The following PARD3 variants were observed in gnomAD, a reference collection of about 807,000 sequenced individuals.
The protein encoded by PARD3 is par-3 family cell polarity regulator.
PARD3 carries 75 observed loss-of-function variants against 155.4 expected under a neutral mutation model. The ratio of observed to expected loss-of-function variants is 0.48; its 90% confidence interval spans 0.40 to 0.58. PARD3 has a LOEUF of 0.58. PARD3 is among the 20% of genes least tolerant of loss of function. The pLI is 0.00. For missense variants in PARD3, 1,642 were observed against 1,721.7 expected, an observed-to-expected ratio of 0.95 and a Z score of 0.82; for synonymous variants, 576 against 610.5, an observed-to-expected ratio of 0.94 and a Z score of 0.83.
chr10:34,261,454 C>T (rs1218229055), intron 22 of PARD3, among the ~76,000 whole-genome samples: 2 of 152,048 alleles, frequency 1.3e-5, no homozygotes, highest in African/African-American at 4.8e-5. Flanking sequence ...TTTGGGAGGT[C>T]AAAGTGGGTG....
intron 5 of PARD3, among the ~76,000 whole-genome samples, chr10:34,404,051 A>G (rs944659674): frequency 1.3e-4 from 20 of 152,164 alleles, no homozygotes; most frequent in African/African-American, 4.8e-4. Context: ...TAATTCACAC[A>G]TTGTTCCCAC....
chr10:34,493,439 A>G (rs978368831), intron 3 of PARD3, among the ~76,000 whole-genome samples: 10 of 152,202 alleles, frequency 6.6e-5, no homozygotes, highest in African/African-American at 2.4e-4. Context: ...ATTATTAAAA[A>G]TTATAATACA....
chr10:34,208,308 T>C (rs1386160607), intron 22 of PARD3, among the ~76,000 whole-genome samples: 1 of 152,218 alleles, frequency 6.6e-6, no homozygotes, highest in African/African-American at 2.4e-5. Context: ...GGATGGTGCC[T>C]AAGTGAAGAC....
chr10:34,515,442 G>A (rs1033556780), intron 3 of PARD3, among the ~76,000 whole-genome samples: 1 of 152,168 alleles, frequency 6.6e-6, no homozygotes, highest in African/African-American at 2.4e-5. Context: ...ATCTGAGTCC[G>A]ATCTTGTCTG....
chr10:34,179,168 GCACACACA>G (rs72378504), intron 22 of PARD3, among the ~76,000 whole-genome samples: 54 of 94,578 alleles, frequency 5.7e-4, no homozygotes, highest in African/African-American at 1.1e-3. Flanking sequence ...GTGCGTGCGC[GCACACACA>G]CACACACACA....
chr10:34,730,158 A>G (rs1358935123), intron 1 of PARD3, among the ~76,000 whole-genome samples: 1 of 152,226 alleles, frequency 6.6e-6, no homozygotes, highest in Non-Finnish European at 1.5e-5. Flanking sequence ...ACAAATATGT[A>G]TACATCTTCT....
intron 22 of PARD3, among the ~76,000 whole-genome samples, chr10:34,265,316 C>A (rs1202468360): frequency 6.6e-6 from 1 of 152,158 alleles, no homozygotes; most frequent in East Asian, 1.9e-4. Flanking sequence ...GAGAAAATGT[C>A]CCATTTTGAT....
intron 1 of PARD3, among the ~76,000 whole-genome samples, chr10:34,705,482 TG>T (rs896313446): frequency 1.7e-4 from 23 of 133,752 alleles, no homozygotes; most frequent in African/African-American, 7.0e-4. Flanking sequence ...GTTCAGACCC[TG>T]TCTCAGGAAA....
At chr10:34,520,501 C>G (rs1165623752) in intron 2 of PARD3, among the ~76,000 whole-genome samples, 3 of 152,166 alleles carry the variant, frequency 2.0e-5, no homozygotes, top group African/African-American at 7.2e-5. Context: ...ATCAGTTTAT[C>G]TGACAGTGAC....
chr10:34,437,207 T>A lies in PARD3; in HGVS notation c.714+13110A>T, dbSNP rs192489359. Among the ~76,000 whole-genome samples, 106 of 152,250 alleles carry A rather than the reference T, an allele frequency of 7.0e-4. 1 individual carries two copies. Among genetic ancestry groups the A allele is most frequent in the South Asian group, 6.6e-3 (32 of 4,824 alleles). On this transcript the variant is annotated intron_variant, in intron 5 of 24. Coordinates refer to ENST00000374788, the MANE Select transcript of PARD3 (RefSeq NM_001184785.2). Reference sequence around the variant, plus strand: ...ATGAACCCTAATGATAATAAGGAATTGGGACACCTATCATCATCAACTCAA... The same window carrying A: ...ATGAACCCTAATGATAATAAGGAATAGGGACACCTATCATCATCAACTCAA...
chr10:34,517,882 GTTTT>G (rs1185468640), intron 2 of PARD3, among the ~76,000 whole-genome samples: 5 of 152,202 alleles, frequency 3.3e-5, no homozygotes, highest in African/African-American at 9.6e-5. Context: ...TTGTTTGTTT[GTTTT>G]GTTTTGTTTT....
chr10:34,567,498 T>C (rs1180129014), intron 2 of PARD3, among the ~76,000 whole-genome samples: 7 of 152,188 alleles, frequency 4.6e-5, no homozygotes. Flanking sequence ...TTAAGAAAAG[T>C]TGAGTCCTTT....
At chr10:34,260,851 G>A (rs1403729916) in intron 22 of PARD3, among the ~76,000 whole-genome samples, 4 of 152,162 alleles carry the variant, frequency 2.6e-5, no homozygotes, top group Non-Finnish European at 5.9e-5. Context: ...TGTTTAATAA[G>A]TGCCTATATC....
At chr10:34,446,623 G>A (rs2076753648) in intron 5 of PARD3, among the ~76,000 whole-genome samples, 2 of 152,170 alleles carry the variant, frequency 1.3e-5, no homozygotes, top group Non-Finnish European at 2.9e-5. Context: ...ATATCAATTA[G>A]TTTAAAAATC....
At chr10:34,380,752 A>G (rs965115793) in intron 9 of PARD3, among the ~76,000 whole-genome samples, 1 of 152,198 alleles carries the variant, frequency 6.6e-6, no homozygotes, top group Non-Finnish European at 1.5e-5. Flanking sequence ...AATTAACTAA[A>G]TGAATATTGC....
In PARD3 at chr10:34,519,541, C is replaced by T. The variant is rs925070124; in HGVS notation, c.223-2382G>A. 2.7e-4 allele frequency among the ~76,000 whole-genome samples: 41 copies of T among 152,216 alleles called. 1 individual carries two copies. Among genetic ancestry groups the T allele is most frequent in the Admixed American group, 2.0e-3 (30 of 15,298 alleles). On this transcript the variant is annotated intron_variant, in intron 2 of 24. Coordinates refer to ENST00000374788, the MANE Select transcript of PARD3 (RefSeq NM_001184785.2). Reference sequence around the variant, plus strand: ...TAAATCCCAAAGCGTAGGCCAGGCGCGGTGGCTCACGCCTGTAATCCCAGC... The same window carrying T: ...TAAATCCCAAAGCGTAGGCCAGGCGTGGTGGCTCACGCCTGTAATCCCAGC...
rs144601587 is a variant in PARD3 at position 34,281,389 on chromosome 10, C to T, written c.3176+2746G>A. On this transcript the variant is annotated intron_variant, in intron 21 of 24. Transcript: ENST00000374788. ...AGTCAAAAATAGCATGTCGGAAAAC[C>T]TGTTAACTTCCCCCTTGGTATCACG... 3.7e-4 allele frequency among the ~76,000 whole-genome samples: 56 copies of T among 152,268 alleles called. 1 individual carries two copies. The East Asian group carries it at 5.6e-3, about 15-fold the overall frequency.
intron 2 of PARD3, among the ~76,000 whole-genome samples, chr10:34,557,168 ACTC>A (rs1017186789): frequency 6.6e-6 from 1 of 151,862 alleles, no homozygotes; most frequent in Non-Finnish European, 1.5e-5. Flanking sequence ...AAAGTGGGCT[ACTC>A]CTCCTGTTAG....
chr10:34,211,536 C>T (rs1326942588), intron 22 of PARD3, among the ~76,000 whole-genome samples: 2 of 152,204 alleles, frequency 1.3e-5, no homozygotes, highest in Non-Finnish European at 2.9e-5. Context: ...CATCCCAGAA[C>T]TTTGGGAGGC....
Sources: allele counts gnomAD v4.1 joint callset (sites outside exome capture counted in the v4.1 genomes callset), GRCh38; gene constraint gnomAD v4.1.1; transcripts MANE v1.5; gene names NCBI Gene and HGNC (gene_info 2026-07-23, HGNC 2026-07-21).